TNIK: variants seen among roughly 807,000 people sequenced by gnomAD.
TNIK encodes TRAF2 and NCK interacting kinase.
Under a neutral mutation model 191.3 loss-of-function variants are expected in TNIK, and 49 were observed. The ratio of observed to expected loss-of-function variants is 0.26; its 90% CI spans 0.20 to 0.32. The LOEUF (loss-of-function observed/expected upper bound fraction) is 0.32, where lower values mean the gene tolerates loss of function less well. Among genes scored for constraint, TNIK ranks in the 10% least tolerant of loss-of-function variants. The probability of loss-of-function intolerance (pLI) is 1.00; values close to 1 mark genes in which losing one functional copy is unlikely to be tolerated. For missense variants in TNIK, 1,155 were observed against 1,702.3 expected (o/e 0.68, Z 5.66); for synonymous variants, 594 against 600.9 (o/e 0.99, Z 0.17).
At chr3:171,073,455 G>T (rs1318435118) in intron 28 of TNIK, among the ~76,000 whole-genome samples, 1 of 152,098 alleles carries the variant, frequency 6.6e-6, no homozygotes, top group East Asian at 1.9e-4. Context: ...TCTGGATATT[G>T]GCCTAGACAA....
At chr3:171,449,947 A>T (rs1257961974) in intron 1 of TNIK, among the ~76,000 whole-genome samples, 1 of 150,976 alleles carries the variant, frequency 6.6e-6, no homozygotes, top group African/African-American at 2.4e-5. Context: ...GAGGCAAGAG[A>T]ATTGCTTGAA....
chr3:171,129,741 C>A (rs923285948), intron 15 of TNIK, among the ~76,000 whole-genome samples: 2 of 152,190 alleles, frequency 1.3e-5, no homozygotes, highest in Non-Finnish European at 2.9e-5. Flanking sequence ...AAATGCTGAG[C>A]CAGTGAATGC....
At chr3:171,146,505 G>C (rs944693425) in intron 12 of TNIK, among the ~76,000 whole-genome samples, 1 of 152,152 alleles carries the variant, frequency 6.6e-6, no homozygotes, top group Non-Finnish European at 1.5e-5. Context: ...AGGCAACAGG[G>C]CTTGGGGAAA....
chr3:171,342,165 T>C (rs1333669185), intron 2 of TNIK, among the ~76,000 whole-genome samples: 1 of 152,234 alleles, frequency 6.6e-6, no homozygotes, highest in Admixed American at 6.5e-5. Context: ...CAAACTTTAG[T>C]GTGCATGGGA....
At chr3:171,423,348 G>C (rs1185469438) in intron 1 of TNIK, among the ~76,000 whole-genome samples, 3 of 152,082 alleles carry the variant, frequency 2.0e-5, no homozygotes, top group African/African-American at 7.3e-5. Context: ...CAAACAAATG[G>C]AAGAACATTT....
intron 1 of TNIK, among the ~76,000 whole-genome samples, chr3:171,434,661 T>G (rs1386931525): frequency 1.3e-5 from 2 of 152,108 alleles, no homozygotes. Flanking sequence ...GGTCTTTCTA[T>G]GTTGCCCAGG....
At chr3:171,458,955 T>C (rs1032958421) in intron 1 of TNIK, among the ~76,000 whole-genome samples, 1 of 152,164 alleles carries the variant, frequency 6.6e-6, no homozygotes, top group Non-Finnish European at 1.5e-5. Flanking sequence ...CAGCATCTAA[T>C]TAAAATGGCA....
rs1181840241 is a variant in TNIK, at chr3:171,123,336, G to A, written c.2120+260C>T. On this transcript the variant is annotated intron_variant, in intron 18 of 32. Transcript: ENST00000436636. ...ATTTTACTCTCAGATTTTAAAAACTGTCCGCTAAGGTACATCTGATTGGTT... is the reference window on the plus strand; with the variant it reads ...ATTTTACTCTCAGATTTTAAAAACTATCCGCTAAGGTACATCTGATTGGTT... Among the ~76,000 whole-genome samples the A allele has an allele frequency of 5.3e-5, 8 of 152,306 alleles. No individual in the cohort carries two copies. The East Asian group carries it at 9.6e-4, about 18-fold the overall frequency.
chr3:171,132,411 CTG>C (rs1010983685), intron 15 of TNIK, among the ~76,000 whole-genome samples: 31 of 152,216 alleles, frequency 2.0e-4, no homozygotes, highest in Admixed American at 8.5e-4. Context: ...AAAAAAATAA[CTG>C]TGGTCTCAGA....
chr3:171,207,267 T>C (rs75565754), intron 4 of TNIK, among the ~76,000 whole-genome samples: 4,144 of 152,264 alleles, frequency 0.027, 188 homozygotes, highest in African/African-American at 0.095. Flanking sequence ...ATTTTCCACA[T>C]GGCTGTACCA....
intron 4 of TNIK, among the ~76,000 whole-genome samples, chr3:171,197,386 T>G (rs1050954115): frequency 2.1e-5 from 3 of 142,736 alleles, no homozygotes; most frequent in African/African-American, 7.8e-5. Flanking sequence ...AGCACCAAAA[T>G]AAAAAAAAAA....
At chr3:171,267,902 T>C (rs1748583716) in intron 2 of TNIK, among the ~76,000 whole-genome samples, 1 of 152,178 alleles carries the variant, frequency 6.6e-6, no homozygotes, top group East Asian at 1.9e-4. Flanking sequence ...GATTCAACAA[T>C]ATTCAAGAAA....
intron 31 of TNIK, 108 bp downstream of exon 31, chr3:171,066,468 T>C (rs765777353): frequency 3.7e-5 from 6 of 163,366 alleles, no homozygotes; most frequent in Non-Finnish European, 5.1e-5. Context: ...TATTCACAGA[T>C]TTTTTTTTTT....
At chr3:171,197,927 G>T (rs1402866624) in intron 4 of TNIK, among the ~76,000 whole-genome samples, 1 of 152,076 alleles carries the variant, frequency 6.6e-6, no homozygotes, top group African/African-American at 2.4e-5. Flanking sequence ...ATACTCAAAA[G>T]AATTGAAAAC....
chr3:171,437,573 C>T (rs1726184383), intron 1 of TNIK, among the ~76,000 whole-genome samples: 1 of 152,118 alleles, frequency 6.6e-6, no homozygotes, highest in Non-Finnish European at 1.5e-5. Flanking sequence ...AACCCTGTAG[C>T]CTCTGAAGAA....
intron 3 of TNIK, among the ~76,000 whole-genome samples, chr3:171,214,056 T>G (rs550950670): frequency 4.2e-4 from 64 of 152,262 alleles, no homozygotes; most frequent in African/African-American, 1.4e-3. Flanking sequence ...ATGGAACCAC[T>G]GTAAGACATG....
At chr3:171,346,943 A>G in intron 2 of TNIK, 1 of 512,512 alleles carries the variant, frequency 2.0e-6, no homozygotes, top group Admixed American at 3.5e-5. Flanking sequence ...ATGATCAAAT[A>G]AGCATTTTAA....
intron 30 of TNIK, among the ~76,000 whole-genome samples, chr3:171,067,352 A>T (rs1256611635): frequency 6.6e-6 from 1 of 152,146 alleles, no homozygotes; most frequent in African/African-American, 2.4e-5. Context: ...GTTAGAAAAA[A>T]TATTTAGAAT....
chr3:171,174,759 A>G (rs1445797637), intron 9 of TNIK, among the ~76,000 whole-genome samples: 1 of 152,254 alleles, frequency 6.6e-6, no homozygotes, highest in Non-Finnish European at 1.5e-5. Context: ...CACCTGCCAT[A>G]TGTGAAAACA....
Sources: gnomAD v4.1 joint callset for allele counts (sites outside exome capture counted in the v4.1 genomes callset) on GRCh38, gnomAD v4.1.1 for gene constraint, MANE v1.5 for transcripts, NCBI Gene and HGNC (gene_info 2026-07-23, HGNC 2026-07-21) for gene names.